WDR27: variants seen among roughly 807,000 people sequenced by gnomAD.
WDR27 encodes the protein WD repeat-containing protein 27.
Under a neutral mutation model 114.4 loss-of-function variants are expected in WDR27, and 100 were observed. That is an observed-to-expected ratio of 0.87 (90% CI 0.74 to 1.03). The LOEUF (loss-of-function observed/expected upper bound fraction) is 1.03, where lower values mean the gene tolerates loss of function less well. WDR27 is among the 50% of genes least tolerant of loss of function. WDR27 has a pLI of 0.00. For missense variants in WDR27, 1,129 were observed against 1,092.9 expected, an observed-to-expected ratio of 1.03 and a Z score of -0.47; for synonymous variants, 449 against 423.1, an observed-to-expected ratio of 1.06 and a Z score of -0.75.
intron 18 of WDR27, among the ~76,000 whole-genome samples, chr6:169,636,922 A>G (rs889750732): frequency 3.9e-5 from 6 of 152,190 alleles, no homozygotes; most frequent in Non-Finnish European, 7.4e-5. Flanking sequence ...TCCTTCCTGA[A>G]GCTGCTGCCA....
chr6:169,651,807 T>C (rs931303493), intron 14 of WDR27, 123 bp downstream of exon 14: 1 of 808,922 alleles, frequency 1.2e-6, no homozygotes, highest in Non-Finnish European at 1.9e-6. Context: ...CTTCTGTTTC[T>C]ATTGCTATGT....
rs117181581 is a variant in WDR27 at position 169,502,055 on chromosome 6, C to A, written c.2646-44421G>T. Among the ~76,000 whole-genome samples the A allele has an allele frequency of 1.3e-3, 204 of 152,322 alleles. 4 individuals are homozygous for A. In the East Asian group the frequency reaches 0.032, roughly 24 times the overall value. The stretch of plus-strand genomic sequence containing the variant: ...GGGCATCCAATGCCCTGAACGGAGC[C>A]GCACGCACCACCTCCCCCCAGGCTA... On this transcript the variant is annotated intron_variant, in intron 25 of 25. Coordinates refer to ENST00000448612, the MANE Select transcript of WDR27 (RefSeq NM_182552.5).
chr6:169,474,543 A>T (rs1786874407), intron 25 of WDR27, among the ~76,000 whole-genome samples: 1 of 152,194 alleles, frequency 6.6e-6, no homozygotes, highest in African/African-American at 2.4e-5. Flanking sequence ...AGCTGAAGAG[A>T]GAATTAGTGA....
At chr6:169,480,861 C>T (rs1787942916) in intron 25 of WDR27, among the ~76,000 whole-genome samples, 1 of 147,888 alleles carries the variant, frequency 6.8e-6, no homozygotes, top group Non-Finnish European at 1.5e-5. Flanking sequence ...CTGTGTCTAG[C>T]TAAAAGTTTG....
In WDR27 at chr6:169,636,406, C is replaced by A; in HGVS notation, c.1968G>T (p.Arg656Ser). The change falls in exon 19 of 26, where the codon AGG becomes AGT. Residue 656 changes from arginine to serine, a missense_variant. Transcript: ENST00000448612. ...CATCTTTGCAAGTGTCAATGTGATA[C>A]CTCAGTAGCTGAAATTCAGGGCCAG... ...LSSGPEFQLL[R>S]YHIDTCKDEI... 1 of 1,613,898 alleles carries A rather than the reference C, an allele frequency of 6.2e-7. No homozygotes were observed. Among genetic ancestry groups the A allele is most frequent in the Non-Finnish European group, 8.5e-7 (1 of 1,179,862 alleles).
intron 25 of WDR27, among the ~76,000 whole-genome samples, chr6:169,463,219 G>A (rs538517336): frequency 6.6e-6 from 1 of 152,300 alleles, no homozygotes; most frequent in East Asian, 1.9e-4. Context: ...AAGAAGAAGA[G>A]TGGAATAGCC....
intron 25 of WDR27, among the ~76,000 whole-genome samples, chr6:169,481,840 G>A (rs57974421): frequency 0.33 from 50,307 of 152,114 alleles, 9,825 homozygotes; most frequent in African/African-American, 0.54. Context: ...CCCACCAGAA[G>A]GAAGAAACTC....
chr6:169,674,304 G>A (rs1779525791), intron 2 of WDR27, among the ~76,000 whole-genome samples: 1 of 152,136 alleles, frequency 6.6e-6, no homozygotes, highest in Non-Finnish European at 1.5e-5. Flanking sequence ...CCAAATGTTA[G>A]AATTACTAGA....
intron 25 of WDR27, among the ~76,000 whole-genome samples, chr6:169,495,805 G>A (rs1193208484): frequency 6.6e-6 from 1 of 151,956 alleles, no homozygotes; most frequent in South Asian, 2.1e-4. Context: ...GAAAAGCCCT[G>A]AATCTGATGA....
the WDR27 span, among the ~76,000 whole-genome samples, chr6:169,444,558 C>T: frequency 9.2e-5 from 14 of 152,310 alleles, no homozygotes; most frequent in East Asian, 5.8e-4. Flanking sequence ...GGCCAACCAC[C>T]GCTGCCTCCT....
chr6:169,648,484 A>G (rs887868244), intron 15 of WDR27, among the ~76,000 whole-genome samples: 3 of 152,238 alleles, frequency 2.0e-5, no homozygotes, highest in East Asian at 1.9e-4. Context: ...TCACCTGCAT[A>G]AGGCCTGAAT....
At chr6:169,492,718 GA>G (rs1789931807) in intron 25 of WDR27, among the ~76,000 whole-genome samples, 1 of 151,890 alleles carries the variant, frequency 6.6e-6, no homozygotes, top group Non-Finnish European at 1.5e-5. Context: ...CTAGAAGGAA[GA>G]AATGAGATAC....
At chr6:169,639,833 C>G (rs182748673) in intron 17 of WDR27, among the ~76,000 whole-genome samples, 314 of 152,274 alleles carry the variant, frequency 2.1e-3, no homozygotes, top group African/African-American at 6.9e-3. Context: ...CAAACAGTCT[C>G]TCAGCTGCCA....
At chr6:169,476,364 T>C (rs979082412) in intron 25 of WDR27, among the ~76,000 whole-genome samples, 3 of 152,196 alleles carry the variant, frequency 2.0e-5, no homozygotes, top group Non-Finnish European at 4.4e-5. Flanking sequence ...CTCTCCATTA[T>C]CTCAAGTAGC....
At chr6:169,622,303 C>A (rs1178389817) in intron 21 of WDR27, among the ~76,000 whole-genome samples, 1 of 152,162 alleles carries the variant, frequency 6.6e-6, no homozygotes, top group Admixed American at 6.5e-5. Context: ...GTCAGGACCT[C>A]CTGAGGCTGT....
intron 5 of WDR27, 51 bp downstream of exon 5, chr6:169,667,931 C>G: frequency 6.5e-7 from 1 of 1,534,622 alleles, no homozygotes; most frequent in Non-Finnish European, 8.8e-7. Context: ...CACCACAGTT[C>G]TTTCCACAGC....
the WDR27 span, among the ~76,000 whole-genome samples, chr6:169,444,975 G>C: frequency 6.6e-6 from 1 of 152,142 alleles, no homozygotes; most frequent in African/African-American, 2.4e-5. Context: ...TAAGCTCAGG[G>C]TGAGGATCAA....
chr6:169,458,348 C>T (rs1204232639), intron 25 of WDR27, among the ~76,000 whole-genome samples: 3 of 152,108 alleles, frequency 2.0e-5, no homozygotes, highest in East Asian at 1.9e-4. Flanking sequence ...TGCAAATAGG[C>T]GAGCAGCCAT....
At chr6:169,685,646 G>A (rs1189919600) in intron 2 of WDR27, among the ~76,000 whole-genome samples, 1 of 152,124 alleles carries the variant, frequency 6.6e-6, no homozygotes, top group Non-Finnish European at 1.5e-5. Context: ...CTTGAAGACA[G>A]GACTTTTGAA....
Sources: allele counts gnomAD v4.1 joint callset (sites outside exome capture counted in the v4.1 genomes callset), GRCh38; gene constraint gnomAD v4.1.1; transcripts MANE v1.5; gene names NCBI Gene and HGNC (gene_info 2026-07-23, HGNC 2026-07-21).